Variants in FAM110B observed in about 807,000 individuals in gnomAD.
The protein encoded by FAM110B is protein FAM110B.
In FAM110B, 6 loss-of-function variants were observed where a neutral mutation model predicts 20.4. The observed-to-expected ratio is 0.29, with a 90% confidence interval of 0.16 to 0.58. FAM110B has a LOEUF of 0.58. Ranked by LOEUF, FAM110B falls within the 20% of genes least tolerant of loss-of-function variation. FAM110B has a pLI of 0.90. For missense variants in FAM110B, 434 were observed against 498.2 expected, an observed-to-expected ratio of 0.87 and a Z score of 1.23; for synonymous variants, 226 against 214.1, an observed-to-expected ratio of 1.06 and a Z score of -0.49.
intron 2 of FAM110B, among the ~76,000 whole-genome samples, chr8:58,058,838 G>T (rs917836923): frequency 3.9e-5 from 6 of 152,102 alleles, no homozygotes; most frequent in African/African-American, 1.4e-4. Flanking sequence ...GGTAAAATTT[G>T]TCAATCTTAA....
At chr8:58,023,992 G>C (rs756973925) in intron 1 of FAM110B, among the ~76,000 whole-genome samples, 11 of 152,134 alleles carry the variant, frequency 7.2e-5, no homozygotes, top group Non-Finnish European at 1.3e-4. Flanking sequence ...AAGATTTTGT[G>C]ACACTGACAT....
chr8:58,083,148 A>G (rs899637706), intron 3 of FAM110B, among the ~76,000 whole-genome samples: 2 of 152,230 alleles, frequency 1.3e-5, no homozygotes, highest in Admixed American at 6.5e-5. Context: ...TGACAGCAAC[A>G]TCTTCAGATA....
chr8:58,146,871 C>T lies in FAM110B; in HGVS notation c.641C>T (p.Ala214Val). Residue 214 changes from alanine to valine, a missense_variant, in exon 4 of 4, where the codon GCC (alanine) becomes GTC (valine). Physicochemically the swap from Ala to Val is moderately conservative, Grantham distance 64. This residue lies in a region of FAM110B where 284 missense variants were observed against 278.3 expected (regional missense o/e 1.02). Coordinates refer to ENST00000519262, the MANE Select transcript of FAM110B (RefSeq NM_001377989.1). The stretch of plus-strand genomic sequence containing the variant: ...GTGACCAGCGTGAAGCCCCTCAAGG[C>T]CATCCCCTGCAGTAGCTCTGCCCCT... ...RKVTSVKPLKAIPCSSSAPPL... is the reference protein window; with the variant it reads ...RKVTSVKPLKVIPCSSSAPPL... 1.2e-6 allele frequency: 2 copies of T among 1,614,006 alleles called. No individual in the cohort carries two copies. Among genetic ancestry groups the T allele is most frequent in the Non-Finnish European group, 1.7e-6 (2 of 1,179,952 alleles).
chr8:58,123,843 A>C (rs1563378171), intron 3 of FAM110B, among the ~76,000 whole-genome samples: 1 of 152,230 alleles, frequency 6.6e-6, no homozygotes, highest in Non-Finnish European at 1.5e-5. Context: ...CCCGCTGCGC[A>C]TACTTCCTTT....
At chr8:58,035,954 C>T (rs1805067594) in intron 2 of FAM110B, among the ~76,000 whole-genome samples, 1 of 152,082 alleles carries the variant, frequency 6.6e-6, no homozygotes, top group Non-Finnish European at 1.5e-5. Flanking sequence ...GTGCAAGGTC[C>T]CATGTGTTCT....
Position 58,146,089 on chromosome 8 carries a change from C to T in FAM110B, c.-142C>T, listed in dbSNP as rs926558572. The T allele has an allele frequency of 7.0e-5, 65 of 931,256 alleles. No individual in the cohort carries two copies. In the South Asian group the frequency reaches 1.0e-3, roughly 15 times the overall value. 57.7% of individuals were successfully genotyped at this position (931,256 alleles called of 1,614,324 possible). Reference sequence around the variant, plus strand: ...GCGGTTAATGAGCTGTGAGATGAGGCGCTGCTGCGGCCGCTGCTGCTGACA... The same window carrying T: ...GCGGTTAATGAGCTGTGAGATGAGGTGCTGCTGCGGCCGCTGCTGCTGACA... On this transcript the variant is annotated 5_prime_UTR_variant, in exon 4 of 4. Transcript: ENST00000519262.
intron 2 of FAM110B, among the ~76,000 whole-genome samples, 196 bp from the exon 3 acceptor site, chr8:58,075,339 C>T (rs1054966263): frequency 2.0e-5 from 3 of 150,248 alleles, no homozygotes; most frequent in Non-Finnish European, 2.9e-5. Flanking sequence ...GGCTGGTTTC[C>T]AACTGCTGCC....
intron 1 of FAM110B, among the ~76,000 whole-genome samples, chr8:57,995,221 G>T (rs1453212441): frequency 6.6e-6 from 1 of 152,192 alleles, no homozygotes; most frequent in Non-Finnish European, 1.5e-5. Flanking sequence ...GTTGCTGCTG[G>T]AGGAGTGGGA....
At chr8:58,102,214 C>T (rs577660209) in intron 3 of FAM110B, among the ~76,000 whole-genome samples, 1 of 152,332 alleles carries the variant, frequency 6.6e-6, no homozygotes, top group African/African-American at 2.4e-5. Flanking sequence ...GTGAGTCATC[C>T]TGCCTCAGTT....
At chr8:58,135,922 G>T (rs1803600101) in intron 3 of FAM110B, among the ~76,000 whole-genome samples, 1 of 149,288 alleles carries the variant, frequency 6.7e-6, no homozygotes, top group Non-Finnish European at 1.5e-5. Flanking sequence ...TCATTGAGTT[G>T]TTATTACTGC....
intron 3 of FAM110B, among the ~76,000 whole-genome samples, chr8:58,143,020 C>A (rs1803775884): frequency 6.9e-6 from 1 of 145,274 alleles, no homozygotes; most frequent in South Asian, 2.2e-4. Context: ...GAACAGACGT[C>A]ATGGTTATCT....
chr8:58,051,150 G>A (rs1434022716), intron 2 of FAM110B, among the ~76,000 whole-genome samples: 1 of 152,152 alleles, frequency 6.6e-6, no homozygotes, highest in Non-Finnish European at 1.5e-5. Context: ...GGCCAGTGGT[G>A]CCCAGATGAG....
At chr8:58,136,766 ACTCT>A (rs1310230723) in intron 3 of FAM110B, among the ~76,000 whole-genome samples, 1 of 152,084 alleles carries the variant, frequency 6.6e-6, no homozygotes, top group African/African-American at 2.4e-5. Context: ...TTTTTTTCTG[ACTCT>A]CTATTTCATT....
intron 2 of FAM110B, among the ~76,000 whole-genome samples, chr8:58,043,785 A>C (rs2150577729): frequency 6.6e-6 from 1 of 152,260 alleles, no homozygotes; most frequent in African/African-American, 2.4e-5. Flanking sequence ...AATCCTCCTA[A>C]CAGCTCTGAG....
At chr8:58,110,342 T>C (rs970894360) in intron 3 of FAM110B, among the ~76,000 whole-genome samples, 41 of 152,220 alleles carry the variant, frequency 2.7e-4, no homozygotes, top group African/African-American at 9.6e-4. Context: ...GGAAAAGAAT[T>C]TACTTAGGAT....
intron 2 of FAM110B, among the ~76,000 whole-genome samples, chr8:58,074,935 G>A (rs1208978657): frequency 1.3e-5 from 2 of 152,106 alleles, no homozygotes; most frequent in African/African-American, 4.8e-5. Flanking sequence ...ATCACAACTT[G>A]ATACTATATT....
At chr8:58,036,851 C>T (rs557726297) in intron 2 of FAM110B, among the ~76,000 whole-genome samples, 1 of 152,310 alleles carries the variant, frequency 6.6e-6, no homozygotes, top group Admixed American at 6.5e-5. Flanking sequence ...TAGTAGTATA[C>T]AGTTCTTCAA....
At chr8:58,069,134 C>G (rs1404033691) in intron 2 of FAM110B, among the ~76,000 whole-genome samples, 1 of 152,202 alleles carries the variant, frequency 6.6e-6, no homozygotes, top group African/African-American at 2.4e-5. Flanking sequence ...ATTAGCTTCT[C>G]AGCCTTCATG....
chr8:58,031,263 G>T (rs1804956107), intron 1 of FAM110B: 1 of 152,186 alleles, frequency 6.6e-6, no homozygotes, highest in Non-Finnish European at 1.5e-5. Flanking sequence ...ATCATTTTCT[G>T]CATGATTCTG....
Sources: gnomAD v4.1 joint callset for allele counts (sites outside exome capture counted in the v4.1 genomes callset) on GRCh38, gnomAD v4.1.1 for gene constraint, gnomAD v4.1.1 regional missense constraint, MANE v1.5 for transcripts, NCBI Gene and HGNC (gene_info 2026-07-23, HGNC 2026-07-21) for gene names.